TTC7B: variants seen among roughly 807,000 people sequenced by gnomAD.
TTC7B encodes the protein tetratricopeptide repeat protein 7B.
Under a neutral mutation model 106.8 loss-of-function variants are expected in TTC7B, and 28 were observed. That is an observed-to-expected ratio of 0.26 (90% CI 0.19 to 0.36). The LOEUF (loss-of-function observed/expected upper bound fraction) is 0.36, where lower values mean the gene tolerates loss of function less well. TTC7B is among the 10% of genes least tolerant of loss of function. TTC7B has a pLI of 1.00. For missense variants in TTC7B, 862 were observed against 1,076.4 expected (o/e 0.80, Z 2.79); for synonymous variants, 405 against 430.6 (o/e 0.94, Z 0.74).
chr14:90,707,118 A>C (rs1023200993), intron 5 of TTC7B, among the ~76,000 whole-genome samples: 19 of 152,200 alleles, frequency 1.2e-4, no homozygotes, highest in Non-Finnish European at 5.9e-5. Flanking sequence ...TTCCATAACT[A>C]CTCAGTTGCT....
chr14:90,758,420 A>C (rs1361098690), intron 3 of TTC7B, among the ~76,000 whole-genome samples: 2 of 79,052 alleles, frequency 2.5e-5, no homozygotes, highest in African/African-American at 4.9e-5. Flanking sequence ...GGTCGGGGAC[A>C]GCAGTGAGCG....
chr14:90,708,550 T>G (rs1354980480), intron 5 of TTC7B, among the ~76,000 whole-genome samples: 1 of 152,230 alleles, frequency 6.6e-6, no homozygotes, highest in Non-Finnish European at 1.5e-5. Context: ...CATGGTTCAC[T>G]GAATATTTGA....
At chr14:90,602,121 A>G (rs971882657) in intron 17 of TTC7B, 22 of 455,962 alleles carry the variant, frequency 4.8e-5, no homozygotes, top group Admixed American at 4.7e-4. Context: ...GCCATAAGCT[A>G]AAGGCTCAGG....
Position 90,598,274 on chromosome 14 carries a change from C to T in TTC7B, c.1967-4648G>A, listed in dbSNP as rs916526273. ...CTGTCGTCAAACGGCCCGAATGGTGCAAGGGCGTGTGACGTCCTGGAGCGG... is the reference window on the plus strand; with the variant it reads ...CTGTCGTCAAACGGCCCGAATGGTGTAAGGGCGTGTGACGTCCTGGAGCGG... On this transcript the variant is annotated intron_variant, in intron 17 of 19. Coordinates refer to ENST00000328459, the MANE Select transcript of TTC7B (RefSeq NM_001010854.2). Among the ~76,000 whole-genome samples, 3 of 152,226 alleles carry T rather than the reference C, an allele frequency of 2.0e-5. No homozygotes were observed. In the South Asian group the frequency reaches 6.2e-4, roughly 31 times the overall value.
intron 14 of TTC7B, 55 bp from the exon 15 acceptor site, chr14:90,644,263 A>C: frequency 7.7e-7 from 1 of 1,292,608 alleles, no homozygotes; most frequent in Non-Finnish European, 1.0e-6. Context: ...ACACGCACAC[A>C]CACACACACA....
chr14:90,635,485 G>A (rs1884891802), intron 15 of TTC7B, among the ~76,000 whole-genome samples: 1 of 152,068 alleles, frequency 6.6e-6, no homozygotes, highest in African/African-American at 2.4e-5. Context: ...TATAGGCCGG[G>A]CGCAGTGGTT....
rs182356586 is a variant in TTC7B at position 90,570,725 on chromosome 14, G to A, written c.2310+7381C>T. Among the ~76,000 whole-genome samples, 265 of 152,306 alleles carry A rather than the reference G, an allele frequency of 1.7e-3. No homozygotes were observed. Among genetic ancestry groups the A allele is most frequent in the Admixed American group, 2.6e-3 (40 of 15,300 alleles). ...ACGCAAAGGATCTCCCAGCCCAGGC[G>A]CGACCTGGATTACAGAGAATGACAG... On this transcript the variant is annotated intron_variant, in intron 19 of 19. Coordinates refer to ENST00000328459, the MANE Select transcript of TTC7B (RefSeq NM_001010854.2). This position sits in a 1 kb window ranked among gnomAD's most constrained non-coding sequence, Gnocchi z 4.0.
At chr14:90,800,810 C>T (rs1053296521) in intron 1 of TTC7B, among the ~76,000 whole-genome samples, 2 of 150,536 alleles carry the variant, frequency 1.3e-5, no homozygotes, top group African/African-American at 4.9e-5. Flanking sequence ...GACTCCGTCT[C>T]AAAAAAAGGT....
At chr14:90,682,586 CT>C (rs1038307781) in intron 7 of TTC7B, among the ~76,000 whole-genome samples, 3 of 152,146 alleles carry the variant, frequency 2.0e-5, no homozygotes, top group Non-Finnish European at 4.4e-5. Context: ...TGGGGCCTTC[CT>C]TTTGTGGCCT....
intron 3 of TTC7B, among the ~76,000 whole-genome samples, chr14:90,769,015 T>C (rs1273548871): frequency 6.6e-6 from 1 of 152,136 alleles, no homozygotes; most frequent in East Asian, 1.9e-4. Context: ...TGGGTAAAGA[T>C]ATAATTTTGT....
intron 7 of TTC7B, among the ~76,000 whole-genome samples, chr14:90,686,994 T>A (rs1302073144): frequency 9.5e-6 from 1 of 105,368 alleles, no homozygotes; most frequent in African/African-American, 3.2e-5. Context: ...CAGCTGCCTA[T>A]TTTTTTTTTT....
At chr14:90,680,408 G>T in intron 8 of TTC7B, 64 bp downstream of exon 8, 1 of 1,210,546 alleles carries the variant, frequency 8.3e-7, no homozygotes, top group Non-Finnish European at 1.2e-6. Flanking sequence ...TGGCAGAATG[G>T]CTATATCAAA....
intron 13 of TTC7B, chr14:90,648,264 CAT>C (rs1301699351): frequency 6.6e-6 from 1 of 152,256 alleles, no homozygotes; most frequent in Non-Finnish European, 1.5e-5. Flanking sequence ...GGCCTCAAGA[CAT>C]AGCCTCAGGA....
chr14:90,796,562 T>C (rs2029885882), intron 1 of TTC7B, among the ~76,000 whole-genome samples: 1 of 152,168 alleles, frequency 6.6e-6, no homozygotes, highest in African/African-American at 2.4e-5. Flanking sequence ...GGACTGCCCT[T>C]CCTCCTAGTT....
In TTC7B at chr14:90,697,496, A is replaced by G. The variant is rs150387322; in HGVS notation, c.699-1918T>C. The G allele has an allele frequency of 2.0e-5, 3 of 152,334 alleles. No individual in the cohort carries two copies. In the East Asian group the frequency reaches 5.8e-4, roughly 29 times the overall value. 9.4% of individuals were successfully genotyped at this position (152,334 alleles called of 1,614,324 possible). A position where few individuals can be genotyped will look rare whatever the true frequency, so the allele number is the denominator to read the frequency against. Reference sequence around the variant, plus strand: ...CTCTAGAGGAAGGAACAAAATATGAATCCAAGAGTTCAGGTCTATGTTTTG... The same window carrying G: ...CTCTAGAGGAAGGAACAAAATATGAGTCCAAGAGTTCAGGTCTATGTTTTG... On this transcript the variant is annotated intron_variant, in intron 5 of 19. Transcript: ENST00000328459.
Position 90,680,493 on chromosome 14 carries a change from T to C in TTC7B, c.993A>G (p.Leu331=). The C allele has an allele frequency of 1.9e-6, 3 of 1,613,958 alleles. No individual in the cohort carries two copies. The highest frequency in any genetic ancestry group is 1.7e-6 in the Non-Finnish European group (2 of 1,179,914). The change falls in exon 8 of 20, where the codon TTA becomes TTG. Residue 331 remains leucine (L), a synonymous_variant. Transcript: ENST00000328459. The part of the protein sequence containing the change: ...PQENTEEALL[L]LLISESMANR... ...TTACCATTGATTCACTAATCAGCAA[T>C]AACAACAGGGCTTCTTCCGTATTTT...
Position 90,541,538 on chromosome 14 carries a change from G to A in TTC7B, c.2362C>T (p.Arg788Trp), listed in dbSNP as rs368249253. The change falls in exon 20 of 20, where the codon CGG (arginine) becomes TGG (tryptophan). Residue 788 changes from arginine to tryptophan, a missense_variant. By Grantham distance (101) the Arg-to-Trp change is moderately radical. Coordinates refer to ENST00000328459, the MANE Select transcript of TTC7B (RefSeq NM_001010854.2). ...GRYSLAEKIL[R>W]DAVQVNSTAH... ...GTCGAGTTCACCTGCACCGCGTCCCGGAGGATCTTCTCCGCCAGACTGTAG... is the reference window on the plus strand; with the variant it reads ...GTCGAGTTCACCTGCACCGCGTCCCAGAGGATCTTCTCCGCCAGACTGTAG... The A allele has an allele frequency of 1.9e-5, 30 of 1,612,086 alleles. No individual in the cohort carries two copies. The highest frequency in any genetic ancestry group is 2.3e-5 in the Non-Finnish European group (27 of 1,178,626).
intron 3 of TTC7B, among the ~76,000 whole-genome samples, chr14:90,747,865 G>C (rs1027736718): frequency 1.3e-5 from 2 of 152,144 alleles, no homozygotes; most frequent in Admixed American, 6.5e-5. Flanking sequence ...TGACATCATT[G>C]CTCTAAAACC....
At position 90,808,892 on chromosome 14, in the gene TTC7B, C is replaced by T. The variant is rs879468138; in HGVS notation, c.121+7283G>A. On this transcript the variant is annotated intron_variant, in intron 1 of 19. Coordinates refer to ENST00000328459, the MANE Select transcript of TTC7B (RefSeq NM_001010854.2). This position sits in a 1 kb window ranked among gnomAD's most constrained non-coding sequence, Gnocchi z 4.2. ...CCTGCGTGCCCAGGGCACAGCTGGC[C>T]GGGCAGCTGGGGTGCAGGGATGCTC... Among the ~76,000 whole-genome samples, 3 of 152,176 alleles carry T rather than the reference C, an allele frequency of 2.0e-5. No homozygotes were observed. Among genetic ancestry groups the T allele is most frequent in the Non-Finnish European group, 4.4e-5 (3 of 68,030 alleles).
Sources: gnomAD v4.1 joint callset for allele counts (sites outside exome capture counted in the v4.1 genomes callset) on GRCh38, gnomAD v4.1.1 for gene constraint, Gnocchi (gnomAD v3.1) non-coding constraint, MANE v1.5 for transcripts, NCBI Gene and HGNC (gene_info 2026-07-23, HGNC 2026-07-21) for gene names.